The following CYLC1 variants were observed in gnomAD, a reference collection of about 807,000 sequenced individuals.
The protein encoded by CYLC1 is cylicin 1, also known as cylicin-1.
CYLC1 carries 2 observed loss-of-function variants against 31.6 expected under a neutral mutation model. That is an observed-to-expected ratio of 0.06 (90% confidence interval 0.03 to 0.20). The LOEUF (loss-of-function observed/expected upper bound fraction) is 0.20, where lower values mean the gene tolerates loss of function less well. CYLC1 is among the 10% of genes least tolerant of loss of function. CYLC1 has a pLI of 1.00. For missense variants in CYLC1, 595 were observed against 424.1 expected, an observed-to-expected ratio of 1.40 and a Z score of -3.54; for synonymous variants, 185 against 153.0, an observed-to-expected ratio of 1.21 and a Z score of -1.54.
In CYLC1 at chrX:83,874,280, T is replaced by C; in HGVS notation, c.1572T>C (p.Phe524=). The C allele has an allele frequency of 1.7e-6, 2 of 1,209,852 alleles. No homozygotes were observed. Among genetic ancestry groups the C allele is most frequent in the Non-Finnish European group, 2.2e-6 (2 of 894,630 alleles). ...ACACAGAGTCTACTGATGCTGAATT[T>C]GATGAATCTTCCAAGACAGGCTTTA... ...RKDTESTDAE[F]DESSKTGFKT... Residue 524 remains phenylalanine, a synonymous_variant, in exon 4 of 5, where the codon TTT becomes TTC. Coordinates refer to ENST00000329312, the MANE Select transcript of CYLC1 (RefSeq NM_021118.3).
intron 3 of CYLC1, among the ~76,000 whole-genome samples, chrX:83,872,357 T>TA (rs2031677580): frequency 9.1e-6 from 1 of 110,428 alleles, no homozygotes; most frequent in Admixed American, 9.7e-5. Context: ...TTTGTTTCTT[T>TA]TTTTTGTGCA....
chrX:83,875,933 C>A (rs906968983), intron 4 of CYLC1, among the ~76,000 whole-genome samples: 12 of 109,963 alleles, frequency 1.1e-4, no homozygotes, highest in Admixed American at 2.0e-4. Flanking sequence ...AGTTCTTGAC[C>A]CTAAACTTCT....
chrX:83,878,619 C>G (rs2031863996), intron 4 of CYLC1, among the ~76,000 whole-genome samples: 1 of 96,692 alleles, frequency 1.0e-5, no homozygotes. Context: ...AGAATTTGGT[C>G]CCTCTAAAGA....
intron 4 of CYLC1, among the ~76,000 whole-genome samples, chrX:83,883,477 A>C (rs2031940284): frequency 8.9e-6 from 1 of 111,789 alleles, no homozygotes; most frequent in South Asian, 3.7e-4. Flanking sequence ...ATGCATATCT[A>C]TTTCTTTCAA....
In CYLC1 at chrX:83,877,897, C is replaced by T. The variant is rs200144215; in HGVS notation, c.1923+3266C>T. ...TTTTTCATATATATATATATATATA[C>T]AAATATATATAAATATATATATATA... is the stretch of plus-strand genomic sequence containing the variant. On this transcript the variant is annotated intron_variant, in intron 4 of 4. Transcript: ENST00000329312. 1.4e-3 allele frequency among the ~76,000 whole-genome samples: 47 copies of T among 32,917 alleles called. 2 individuals are homozygous for T. The highest frequency in any genetic ancestry group is 0.014 in the South Asian group (7 of 500). 28.6% of individuals were successfully genotyped at this position (32,917 alleles called of 115,157 possible).
Position 83,861,195 on chromosome X carries a change from A to G in CYLC1, c.13A>G (p.Arg5Gly). 1 of 1,195,111 alleles carries G rather than the reference A, an allele frequency of 8.4e-7. No individual in the cohort carries two copies. Among genetic ancestry groups the G allele is most frequent in the East Asian group, 3.0e-5 (1 of 33,551 alleles). MSLP[R>G]LLKVNIRTYD... ...ACAGGCAGGGGAAATGTCTCTTCCA[A>G]GGTTGTAAGTCCTCTTTTTAATATT... is the stretch of plus-strand genomic sequence containing the variant. Residue 5 changes from arginine to glycine, a missense_variant, in exon 1 of 5, where the codon AGG becomes GGG. Physicochemically the swap from Arg to Gly is moderately radical, Grantham distance 125. Transcript: ENST00000329312.
At position 83,867,445 on chromosome X, in the gene CYLC1, A is replaced by G. The variant is rs188872066; in HGVS notation, c.18-2420A>G. Among the ~76,000 whole-genome samples, 14 of 111,885 alleles carry G rather than the reference A, an allele frequency of 1.3e-4. No homozygotes were observed. The Admixed American group carries it at 1.3e-3, about 11-fold the overall frequency. ...ATTAATTTTCTATTGTTGTTGTGGA[A>G]AATTGTCACAAACATAGTAGCCTAA... On this transcript the variant is annotated intron_variant, in intron 1 of 4. Transcript: ENST00000329312.
chrX:83,864,843 G>T, intron 1 of CYLC1: 1 of 213,655 alleles, frequency 4.7e-6, no homozygotes, highest in Non-Finnish European at 8.6e-6. Flanking sequence ...CTGCTTTCTT[G>T]GTTTTCCTTC....
At chrX:83,880,783 A>G (rs1395842398) in intron 4 of CYLC1, among the ~76,000 whole-genome samples, 1 of 111,608 alleles carries the variant, frequency 9.0e-6, no homozygotes, top group Admixed American at 9.6e-5. Context: ...ATAACAATGC[A>G]TGTGGCTTTT....
chrX:83,882,434 G>A (rs758972273), intron 4 of CYLC1, among the ~76,000 whole-genome samples: 22 of 109,420 alleles, frequency 2.0e-4, no homozygotes, highest in South Asian at 2.0e-3. Flanking sequence ...TTTTTAAAAA[G>A]TGCTCTTTTA....
At chrX:83,875,517 T>C (rs903446510) in intron 4 of CYLC1, among the ~76,000 whole-genome samples, 26 of 111,658 alleles carry the variant, frequency 2.3e-4, no homozygotes, top group African/African-American at 6.8e-4. Context: ...AGTCACATCT[T>C]ACTTGGATGG....
chrX:83,874,342 C>T lies in CYLC1; in HGVS notation c.1634C>T (p.Ser545Phe). 1 of 1,209,647 alleles carries T rather than the reference C, an allele frequency of 8.3e-7. No homozygotes were observed. The highest frequency in any genetic ancestry group is 1.1e-6 in the Non-Finnish European group (1 of 894,284). The change falls in exon 4 of 5, where the codon TCT becomes TTT. Residue 545 changes from serine (S) to phenylalanine (F), a missense_variant. By Grantham distance (155) the Ser-to-Phe change is radical (BLOSUM62 -2). Coordinates refer to ENST00000329312, the MANE Select transcript of CYLC1 (RefSeq NM_021118.3). ...AAAATCAAAGGTTCAGATACTGAAT[C>T]TGAAGAGTCACTATATAAACCTGGG... is the stretch of plus-strand genomic sequence containing the variant. ...STKIKGSDTESEESLYKPGAK... is the reference protein window; with the variant it reads ...STKIKGSDTEFEESLYKPGAK...
chrX:83,863,764 A>G (rs2031550995), intron 1 of CYLC1, among the ~76,000 whole-genome samples: 1 of 111,882 alleles, frequency 8.9e-6, no homozygotes, highest in Non-Finnish European at 1.9e-5. Flanking sequence ...GTTAGAGCAG[A>G]TGCTTTCTTC....
chrX:83,863,060 C>A (rs1408144210), intron 1 of CYLC1, among the ~76,000 whole-genome samples: 1 of 111,631 alleles, frequency 9.0e-6, no homozygotes, highest in African/African-American at 3.3e-5. Flanking sequence ...ACTCCTAGTA[C>A]TCTACTTCAT....
chrX:83,882,663 A>G (rs1439279527), intron 4 of CYLC1, among the ~76,000 whole-genome samples: 1 of 110,734 alleles, frequency 9.0e-6, no homozygotes, highest in African/African-American at 3.3e-5. Context: ...CATCCAACTC[A>G]AAGTTGTTTT....
intron 4 of CYLC1, among the ~76,000 whole-genome samples, chrX:83,885,597 T>C (rs2031969884): frequency 9.1e-6 from 1 of 109,658 alleles, no homozygotes; most frequent in Admixed American, 9.9e-5. Flanking sequence ...ATTTATTCAC[T>C]GCTGACTTCA....
intron 1 of CYLC1, among the ~76,000 whole-genome samples, chrX:83,861,508 G>A (rs1402288383): frequency 9.0e-6 from 1 of 111,660 alleles, no homozygotes; most frequent in Non-Finnish European, 1.9e-5. Context: ...TTATGTGAAA[G>A]CACTTTAAAA....
At chrX:83,880,171 T>C (rs753937987) in intron 4 of CYLC1, among the ~76,000 whole-genome samples, 2 of 112,062 alleles carry the variant, frequency 1.8e-5, no homozygotes, top group African/African-American at 6.5e-5. Flanking sequence ...TTCATGTCTA[T>C]TAATTATTTT....
chrX:83,884,332 T>C (rs1216903282), intron 4 of CYLC1, among the ~76,000 whole-genome samples: 2 of 111,520 alleles, frequency 1.8e-5, no homozygotes, highest in East Asian at 5.7e-4. Context: ...ATATTGTTCC[T>C]TTGTCAGATA....
Sources: allele counts gnomAD v4.1 joint callset (sites outside exome capture counted in the v4.1 genomes callset), GRCh38; gene constraint gnomAD v4.1.1; transcripts MANE v1.5; gene names NCBI Gene and HGNC (gene_info 2026-07-23, HGNC 2026-07-21).